The following UACA variants were observed in gnomAD, a reference collection of about 807,000 sequenced individuals.
UACA encodes uveal autoantigen with coiled-coil domains and ankyrin repeats.
Under a neutral mutation model 160.5 loss-of-function variants are expected in UACA, and 112 were observed. The ratio of observed to expected loss-of-function variants is 0.70; its 90% CI spans 0.60 to 0.82. The LOEUF (loss-of-function observed/expected upper bound fraction) is 0.82. Among genes scored for constraint, UACA ranks in the 40% least tolerant of loss-of-function variants. The pLI is 0.00. For missense variants in UACA, 1,574 were observed against 1,614.6 expected (o/e 0.97, Z 0.43); for synonymous variants, 557 against 568.4 (o/e 0.98, Z 0.29).
At chr15:70,728,073 C>T (rs73443397) in intron 1 of UACA, among the ~76,000 whole-genome samples, 1,962 of 152,270 alleles carry the variant, frequency 0.013, 52 homozygotes, top group African/African-American at 0.045. Flanking sequence ...AATAAAGCCA[C>T]ACTCCTATAA....
At chr15:70,771,800 A>G in the UACA span, among the ~76,000 whole-genome samples, 5 of 148,584 alleles carry the variant, frequency 3.4e-5, no homozygotes, top group African/African-American at 5.2e-5. Context: ...GAGCCAGAAC[A>G]CTCCAGGCAA....
chr15:70,713,326 C>T (rs1200608882), intron 1 of UACA, among the ~76,000 whole-genome samples: 4 of 152,150 alleles, frequency 2.6e-5, no homozygotes, highest in African/African-American at 7.2e-5. Flanking sequence ...CCAGCCTGGG[C>T]GACAGAGCGA....
At chr15:70,770,459 A>G in the UACA span, among the ~76,000 whole-genome samples, 1 of 152,254 alleles carries the variant, frequency 6.6e-6, no homozygotes, top group Non-Finnish European at 1.5e-5. Context: ...TAGTACAAAT[A>G]TCAAAAAATA....
intron 1 of UACA, among the ~76,000 whole-genome samples, chr15:70,708,623 C>T (rs991853785): frequency 6.6e-6 from 1 of 151,972 alleles, no homozygotes; most frequent in African/African-American, 2.4e-5. Context: ...GCACACCACC[C>T]ACACCCGGCT....
At position 70,668,843 on chromosome 15, in the gene UACA, C is replaced by T. The variant is rs750571401; in HGVS notation, c.1841G>A (p.Gly614Asp). ...KKGRKVTEMEGQAKELSAKLA... is the reference protein window; with the variant it reads ...KKGRKVTEMEDQAKELSAKLA... ...CTTCGCTGACAATTCTTTTGCCTGG[C>T]CTTCCATCTCTGTGACCTTTCTTCC... The change falls in exon 16 of 19, where the codon GGC (glycine) becomes GAC (aspartate). Residue 614 changes from glycine to aspartate, a missense_variant. Transcript: ENST00000322954. The T allele has an allele frequency of 1.2e-6, 2 of 1,613,688 alleles. No homozygotes were observed. The highest frequency in any genetic ancestry group is 1.7e-6 in the Non-Finnish European group (2 of 1,179,988).
upstream of UACA, chr15:70,763,650 G>T: frequency 1.7e-6 from 1 of 599,936 alleles, no homozygotes; most frequent in Non-Finnish European, 2.4e-6. Context: ...TGCGGGAATG[G>T]GGCGGGACTT....
chr15:70,684,350 G>A lies in UACA; in HGVS notation c.699C>T (p.Gly233=), dbSNP rs1157362356. The A allele has an allele frequency of 6.2e-7, 1 of 1,613,672 alleles. No homozygotes were observed. Among genetic ancestry groups the A allele is most frequent in the Non-Finnish European group, 8.5e-7 (1 of 1,179,796 alleles). The change falls in exon 8 of 19, where the codon GGC becomes GGT. Residue 233 remains glycine, a synonymous_variant. Transcript: ENST00000322954. ...GADISLLDAL[G]HDSSYYARIG... The stretch of plus-strand genomic sequence containing the variant: ...TTCTTGCATAGTAAGAACTATCATG[G>A]CCAAGCGCATCCAGCAAGCTTATAT...
At chr15:70,753,933 G>A (rs1192351928) in intron 1 of UACA, 7 of 333,416 alleles carry the variant, frequency 2.1e-5, no homozygotes, top group Non-Finnish European at 3.5e-5. Context: ...AGCCTCCCGA[G>A]TAGCTGAGAC....
At chr15:70,749,534 A>AC (rs2141010177) in intron 1 of UACA, among the ~76,000 whole-genome samples, 1 of 151,148 alleles carries the variant, frequency 6.6e-6, no homozygotes, top group Admixed American at 6.6e-5. Context: ...CAAAAAAAAA[A>AC]AACAAAAACA....
chr15:70,703,483 T>G (rs1410250980), intron 1 of UACA, among the ~76,000 whole-genome samples: 2 of 152,118 alleles, frequency 1.3e-5, no homozygotes, highest in East Asian at 3.9e-4. Context: ...GATTGTTTTT[T>G]CCCCCAAACC....
At chr15:70,723,371 G>A (rs183169606) in intron 1 of UACA, among the ~76,000 whole-genome samples, 1 of 152,322 alleles carries the variant, frequency 6.6e-6, no homozygotes, top group East Asian at 1.9e-4. Context: ...GGTAGTCCCA[G>A]CTACTCAGGG....
intron 18 of UACA, among the ~76,000 whole-genome samples, chr15:70,658,368 T>C (rs887365444): frequency 6.6e-6 from 1 of 152,178 alleles, no homozygotes; most frequent in African/African-American, 2.4e-5. Flanking sequence ...CAAAAAGCAG[T>C]CTCAATTTTT....
At chr15:70,685,740 T>C (rs1024588079) in intron 7 of UACA, among the ~76,000 whole-genome samples, 6 of 152,156 alleles carry the variant, frequency 3.9e-5, no homozygotes, top group African/African-American at 1.4e-4. Flanking sequence ...AAGCACTGTA[T>C]GTAGATCAAC....
At chr15:70,726,086 C>T (rs138169481) in intron 1 of UACA, among the ~76,000 whole-genome samples, 1 of 152,208 alleles carries the variant, frequency 6.6e-6, no homozygotes, top group East Asian at 1.9e-4. Context: ...CTTCTCTAAG[C>T]AAGCTTCCAA....
chr15:70,691,333 T>A lies in UACA; in HGVS notation c.332A>T (p.Tyr111Phe). The change falls in exon 4 of 19, where the codon TAT (tyrosine) becomes TTT (phenylalanine). Residue 111 changes from tyrosine (Y) to phenylalanine (F), a missense_variant. Physicochemically the swap from Tyr to Phe is conservative, Grantham distance 22. Transcript: ENST00000322954. ...GRNALHLAAK[Y>F]GHALCLQKLL... ...TTTTTGTAGGCACAATGCATGTCCA[T>A]ACTTAGCAGCCAGGTGAAGAGCATT... The A allele has an allele frequency of 1.2e-6, 2 of 1,609,912 alleles. No homozygotes were observed. The highest frequency in any genetic ancestry group is 1.7e-6 in the Non-Finnish European group (2 of 1,177,768).
chr15:70,664,740 A>C lies in UACA; in HGVS notation c.4035T>G (p.Ser1345Arg). The C allele has an allele frequency of 6.2e-7, 1 of 1,613,686 alleles. No homozygotes were observed. Among genetic ancestry groups the C allele is most frequent in the Non-Finnish European group, 8.5e-7 (1 of 1,179,828 alleles). ...GGCTCTGCCTCTTGGTGGGGTTCCCACTTGTGTAGGTGAGTTGGGAAAGGC... is the reference window on the plus strand; with the variant it reads ...GGCTCTGCCTCTTGGTGGGGTTCCCCCTTGTGTAGGTGAGTTGGGAAAGGC... ...LNGLSQLTYTSGNPTKRQSQL... is the reference protein window; with the variant it reads ...LNGLSQLTYTRGNPTKRQSQL... Residue 1345 changes from serine to arginine, a missense_variant, in exon 17 of 19, where the codon AGT becomes AGG. By Grantham distance (110) the Ser-to-Arg change is moderately radical (BLOSUM62 -1). Coordinates refer to ENST00000322954, the MANE Select transcript of UACA (RefSeq NM_018003.4).
intron 1 of UACA, among the ~76,000 whole-genome samples, chr15:70,761,828 A>ACT (rs1443135253): frequency 2.6e-5 from 4 of 152,188 alleles, no homozygotes; most frequent in African/African-American, 9.7e-5. Flanking sequence ...CCTACTAAAT[A>ACT]CTCTGCATTT....
intron 1 of UACA, chr15:70,703,178 G>GGCT: frequency 7.8e-7 from 1 of 1,288,854 alleles, no homozygotes; most frequent in Non-Finnish European, 1.0e-6. Context: ...TTTTTGTGGT[G>GGCT]GCTGTTGTTG....
chr15:70,763,344 C>T lies in UACA; in HGVS notation c.64G>A (p.Ala22Thr), dbSNP rs2030894803. 2.3e-6 allele frequency: 3 copies of T among 1,332,630 alleles called. No individual in the cohort carries two copies. Among genetic ancestry groups the T allele is most frequent in the South Asian group, 2.0e-5 (1 of 50,150 alleles). The allele number at this position is 1,332,630 out of a possible 1,614,324, so 82.6% of individuals were successfully genotyped here. ...GCGGGACTCACCGCGCTGGCGGCGG[C>T]GGCGCCAGACGACGCGGGGCCGGGC... The part of the protein sequence containing the change: ...DVPGPASSGA[A>T]AASAHAADWN... Residue 22 changes from alanine to threonine, a missense_variant, in exon 1 of 19, where the codon GCC becomes ACC. Ala to Thr is a moderately conservative substitution (Grantham distance 58). Transcript: ENST00000322954.
Sources: allele counts gnomAD v4.1 joint callset (sites outside exome capture counted in the v4.1 genomes callset), GRCh38; gene constraint gnomAD v4.1.1; transcripts MANE v1.5; gene names NCBI Gene and HGNC (gene_info 2026-07-23, HGNC 2026-07-21).